The following LRIT2 variants were observed in gnomAD, a reference collection of about 807,000 sequenced individuals.
LRIT2 encodes leucine-rich repeat, immunoglobulin-like domain and transmembrane domain-containing protein 2.
A neutral mutation model predicts 22.4 loss-of-function variants in LRIT2; 23 were observed. The ratio of observed to expected loss-of-function variants is 1.03; its 90% confidence interval spans 0.74 to 1.45. The LOEUF is 1.45. Among genes scored for constraint, LRIT2 ranks in the 40% most tolerant of loss-of-function variants. The pLI is 0.00. For missense variants in LRIT2, 784 were observed against 665.6 expected, an observed-to-expected ratio of 1.18 and a Z score of -1.96; for synonymous variants, 291 against 267.1, an observed-to-expected ratio of 1.09 and a Z score of -0.87.
chr10:84,224,465 G>C lies in LRIT2; in HGVS notation c.760C>G (p.Gln254Glu). 1 of 1,614,250 alleles carries C rather than the reference G, an allele frequency of 6.2e-7. No homozygotes were observed. The highest frequency in any genetic ancestry group is 1.3e-5 in the African/African-American group (1 of 75,074). ...ETELSACMKP[Q>E]ISTPSANITI... Reference sequence around the variant, plus strand: ...ATATTGGCACTGGGGGTTGAGATCTGTGGCTTCATGCAAGCACTAAGCTCA... The same window carrying C: ...ATATTGGCACTGGGGGTTGAGATCTCTGGCTTCATGCAAGCACTAAGCTCA... The change falls in exon 2 of 3, where the codon CAG (glutamine) becomes GAG (glutamate). Residue 254 changes from glutamine (Q) to glutamate (E), a missense_variant. Gln to Glu is a conservative substitution (Grantham distance 29, BLOSUM62 2). Transcript: ENST00000372113.
chr10:84,224,407 C>T lies in LRIT2; in HGVS notation c.818G>A (p.Arg273Gln), dbSNP rs545778918. Residue 273 changes from arginine (R) to glutamine (Q), a missense_variant, in exon 2 of 3, where the codon CGA (arginine) becomes CAA (glutamine). Transcript: ENST00000372113. Reference protein sequence around the residue: ...TIRAGQNVTLRCLAQASPSPS... With the variant: ...TIRAGQNVTLQCLAQASPSPS... ...TGAGGGGCTGGCCTGTGCCAAGCAT[C>T]GCAGGGTCACATTCTGTCCTGCCCG... 32 of 1,614,222 alleles carry T rather than the reference C, an allele frequency of 2.0e-5. No individual in the cohort carries two copies. The highest frequency in any genetic ancestry group is 1.3e-4 in the East Asian group (6 of 44,884).
rs1564672889 is a variant in LRIT2, at chr10:84,225,391, A to G, written c.110+20T>C. On this transcript the variant is annotated intron_variant, in intron 1 of 2. Transcript: ENST00000372113. ...AACCCATTCCCCATAACCCTCTAAC[A>G]TCTGGCCAGCAGAGCGCACCTGCCA... is the stretch of plus-strand genomic sequence containing the variant. 6.8e-6 allele frequency: 11 copies of G among 1,611,914 alleles called. No homozygotes were observed. Among genetic ancestry groups the G allele is most frequent in the African/African-American group, 1.3e-5 (1 of 74,864 alleles).
chr10:84,222,615 C>G lies in LRIT2; in HGVS notation c.958G>C (p.Val320Leu). 1 of 1,614,066 alleles carries G rather than the reference C, an allele frequency of 6.2e-7. No homozygotes were observed. Residue 320 changes from valine (V) to leucine (L), a missense_variant, in exon 3 of 3, where the codon GTA becomes CTA. Physicochemically the swap from Val to Leu is conservative, Grantham distance 32. Transcript: ENST00000372113. ...SELAIPAAHL[V>L]DSGNYTCMAS... is the part of the protein sequence containing the mutation. ...ATGCAGGTGTAATTACCACTGTCTA[C>G]CAGGTGGGCAGCAGGTATGGCCAGC...
chr10:84,224,195 C>A (rs1842537913), intron 2 of LRIT2, 138 bp downstream of exon 2: 3 of 760,148 alleles, frequency 3.9e-6, no homozygotes, highest in South Asian at 4.2e-5. Context: ...TTCTAGTGAG[C>A]ATAATTCAGG....
rs780942855 is a variant in LRIT2 at position 84,224,849 on chromosome 10, T to G, written c.376A>C (p.Thr126Pro). 7 of 1,613,842 alleles carry G rather than the reference T, an allele frequency of 4.3e-6. No homozygotes were observed. Among genetic ancestry groups the G allele is most frequent in the South Asian group, 3.3e-5 (3 of 91,046 alleles). Residue 126 changes from threonine (T) to proline (P), a missense_variant, in exon 2 of 3, where the codon ACC becomes CCC. Coordinates refer to ENST00000372113, the MANE Select transcript of LRIT2 (RefSeq NM_001017924.5). The stretch of plus-strand genomic sequence containing the variant: ...AGATCCAAGACCCTCAGGAGAGGGG[T>G]GGCACGGAACGCTGTCCATGGTACT... ...CSVPWTAFRA[T>P]PLLRVLDLKR...
chr10:84,224,880 G>C lies in LRIT2; in HGVS notation c.345C>G (p.Leu115=), dbSNP rs1472600119. 6.2e-7 allele frequency: 1 copy of C among 1,614,098 alleles called. No individual in the cohort carries two copies. The highest frequency in any genetic ancestry group is 1.7e-5 in the Admixed American group (1 of 60,004). The change falls in exon 2 of 3, where the codon CTC becomes CTG. Residue 115 remains leucine, a synonymous_variant. Transcript: ENST00000372113. ...LRELRLEGNK[L]CSVPWTAFRA... ...GGAACGCTGTCCATGGTACTGAGCA[G>C]AGCTTGTTCCCCTCCAGTCTCAGCT... is the stretch of plus-strand genomic sequence containing the variant.
Position 84,222,112 on chromosome 10 carries a change from C to A in LRIT2, c.1461G>T (p.Gln487His). Reference protein sequence around the residue: ...VPVGAYAWAAQGPCSCSKWVL... With the variant: ...VPVGAYAWAAHGPCSCSKWVL... ...CCCACTTGCTGCAGCTGCAGGGGCC[C>A]TGGGCTGCCCAGGCATAGGCGCCCA... Residue 487 changes from glutamine (Q) to histidine (H), a missense_variant, in exon 3 of 3, where the codon CAG (glutamine) becomes CAT (histidine). By Grantham distance (24) the Gln-to-His change is conservative (BLOSUM62 0). Transcript: ENST00000372113. 6.2e-7 allele frequency: 1 copy of A among 1,609,098 alleles called. No individual in the cohort carries two copies. The highest frequency in any genetic ancestry group is 2.2e-5 in the East Asian group (1 of 44,732).
Position 84,220,937 on chromosome 10 carries a change from G to A in LRIT2, c.*983C>T, listed in dbSNP as rs951326994. On this transcript the variant is annotated 3_prime_UTR_variant, in exon 3 of 3. Coordinates refer to ENST00000372113, the MANE Select transcript of LRIT2 (RefSeq NM_001017924.5). ...AGGGAAACGGCAGGGAGACAGATGT[G>A]AATTAAATCCTGGGAATGGTCTCCC... 6.6e-6 allele frequency: 1 copy of A among 152,258 alleles called. No individual in the cohort carries two copies. The highest frequency in any genetic ancestry group is 2.4e-5 in the African/African-American group (1 of 41,460). 9.4% of individuals were successfully genotyped at this position (152,258 alleles called of 1,614,324 possible). A position where few individuals can be genotyped will look rare whatever the true frequency, so the allele number is the denominator to read the frequency against.
Position 84,222,277 on chromosome 10 carries a change from G to T in LRIT2, c.1296C>A (p.Cys432Ter). Residue 432 changes from cysteine (C) to a stop codon, truncating the protein, a stop_gained, in exon 3 of 3, where the codon TGC becomes TGA. Transcript: ENST00000372113. LOFTEE classifies it low-confidence loss of function (END_TRUNC). ...GTGGAGGCTGGCCCTCTAGGCTGAG[G>T]CAGGCCTCATATTTTGTGCCAGGAA... ...DLLPGTKYEA[C>*]LSLEGQPPHQ... The T allele has an allele frequency of 6.2e-7, 1 of 1,614,242 alleles. No individual in the cohort carries two copies. The highest frequency in any genetic ancestry group is 8.5e-7 in the Non-Finnish European group (1 of 1,180,044).
Position 84,222,437 on chromosome 10 carries a change from A to C in LRIT2, c.1136T>G (p.Leu379Trp), listed in dbSNP as rs1371933232. Reference protein sequence around the residue: ...RVVKQTVHGILLEWLAVADTS... With the variant: ...RVVKQTVHGIWLEWLAVADTS... Reference sequence around the variant, plus strand: ...GTCAGCCACTGCAAGCCACTCCAGCAAAATCCCATGCACTGTCTGCTTGAC... The same window carrying C: ...GTCAGCCACTGCAAGCCACTCCAGCCAAATCCCATGCACTGTCTGCTTGAC... The change falls in exon 3 of 3, where the codon TTG becomes TGG. Residue 379 changes from leucine (L) to tryptophan (W), a missense_variant. Leu to Trp is a moderately conservative substitution (Grantham distance 61, BLOSUM62 -2). Transcript: ENST00000372113. The C allele has an allele frequency of 6.2e-7, 1 of 1,614,128 alleles. No individual in the cohort carries two copies. The highest frequency in any genetic ancestry group is 1.1e-5 in the South Asian group (1 of 91,084).
At position 84,224,657 on chromosome 10, in the gene LRIT2, G is replaced by A. The variant is rs745710907; in HGVS notation, c.568C>T (p.Leu190Phe). The A allele has an allele frequency of 4.3e-6, 7 of 1,614,188 alleles. No individual in the cohort carries two copies. Among genetic ancestry groups the A allele is most frequent in the Non-Finnish European group, 5.9e-6 (7 of 1,180,010 alleles). The change falls in exon 2 of 3, where the codon CTC (leucine) becomes TTC (phenylalanine). Residue 190 changes from leucine to phenylalanine, a missense_variant. By Grantham distance (22) the Leu-to-Phe change is conservative. Transcript: ENST00000372113. Reference protein sequence around the residue: ...CRQPDCGAEILSSLVVALHDN... With the variant: ...CRQPDCGAEIFSSLVVALHDN... ...TGCAGGGCCACCACCAGGCTGGAGA[G>A]AATCTCAGCCCCACAGTCAGGCTGC...
chr10:84,224,360 G>A lies in LRIT2; in HGVS notation c.865C>T (p.Pro289Ser), dbSNP rs768254427. 1 of 1,613,784 alleles carries A rather than the reference G, an allele frequency of 6.2e-7. No individual in the cohort carries two copies. The highest frequency in any genetic ancestry group is 8.5e-7 in the Non-Finnish European group (1 of 1,179,952). ...SPSPSIAWTYPLSMWREFDVL... is the reference protein window; with the variant it reads ...SPSPSIAWTYSLSMWREFDVL... The stretch of plus-strand genomic sequence containing the variant: ...TCAAATTCTCTCCACATACTCAGGG[G>A]ATAAGTCCATGCAATGGATGGTGAG... The change falls in exon 2 of 3, where the codon CCC becomes TCC. Residue 289 changes from proline (P) to serine (S), a missense_variant. By Grantham distance (74) the Pro-to-Ser change is moderately conservative (BLOSUM62 -1). Coordinates refer to ENST00000372113, the MANE Select transcript of LRIT2 (RefSeq NM_001017924.5).
At chr10:84,225,378 A>G (rs748746512) in intron 1 of LRIT2, 33 bp downstream of exon 1, 10 of 1,606,098 alleles carry the variant, frequency 6.2e-6, no homozygotes, top group Admixed American at 3.4e-5. Flanking sequence ...CCCATTCCCC[A>G]TAACCCTCTA....
chr10:84,224,877 G>C lies in LRIT2; in HGVS notation c.348C>G (p.Cys116Trp). ...RELRLEGNKL[C>W]SVPWTAFRAT... ...CACGGAACGCTGTCCATGGTACTGA[G>C]CAGAGCTTGTTCCCCTCCAGTCTCA... Residue 116 changes from cysteine (C) to tryptophan (W), a missense_variant, in exon 2 of 3, where the codon TGC becomes TGG. By Grantham distance (215) the Cys-to-Trp change is radical. Transcript: ENST00000372113. The C allele has an allele frequency of 6.2e-7, 1 of 1,614,186 alleles. No homozygotes were observed. The highest frequency in any genetic ancestry group is 1.1e-5 in the South Asian group (1 of 91,088).
chr10:84,225,246 C>T, intron 1 of LRIT2, 132 bp from the exon 2 acceptor site: 1 of 1,212,674 alleles, frequency 8.2e-7, no homozygotes, highest in South Asian at 1.6e-5. Context: ...GAGTTAGACT[C>T]ATTTTGGTAA....
At position 84,224,912 on chromosome 10, in the gene LRIT2, G is replaced by T; in HGVS notation, c.313C>A (p.Leu105Met). ...HLGALEHLPE[L>M]RELRLEGNKL... Reference sequence around the variant, plus strand: ...TTCCCCTCCAGTCTCAGCTCCCTCAGTTCTGGCAGGTGTTCCAGGGCTCCT... The same window carrying T: ...TTCCCCTCCAGTCTCAGCTCCCTCATTTCTGGCAGGTGTTCCAGGGCTCCT... The change falls in exon 2 of 3, where the codon CTG (leucine) becomes ATG (methionine). Residue 105 changes from leucine (L) to methionine (M), a missense_variant. Coordinates refer to ENST00000372113, the MANE Select transcript of LRIT2 (RefSeq NM_001017924.5). 3 of 1,614,180 alleles carry T rather than the reference G, an allele frequency of 1.9e-6. No individual in the cohort carries two copies. Among genetic ancestry groups the T allele is most frequent in the Non-Finnish European group, 1.7e-6 (2 of 1,180,020 alleles).
At chr10:84,223,652 T>C (rs1008109082) in intron 2 of LRIT2, among the ~76,000 whole-genome samples, 25 of 152,190 alleles carry the variant, frequency 1.6e-4, no homozygotes, top group Non-Finnish European at 3.4e-4. Flanking sequence ...TCTTTTCAGC[T>C]TTGGGATACC....
Position 84,224,631 on chromosome 10 carries a change from A to T in LRIT2, c.594T>A (p.His198Gln). The T allele has an allele frequency of 6.2e-7, 1 of 1,614,066 alleles. No homozygotes were observed. The highest frequency in any genetic ancestry group is 8.5e-7 in the Non-Finnish European group (1 of 1,179,928). The change falls in exon 2 of 3, where the codon CAT becomes CAA. Residue 198 changes from histidine to glutamine, a missense_variant. Transcript: ENST00000372113. Reference sequence around the variant, plus strand: ...GACAGTCACATACCCAGGGGTTGTCATGCAGGGCCACCACCAGGCTGGAGA... The same window carrying T: ...GACAGTCACATACCCAGGGGTTGTCTTGCAGGGCCACCACCAGGCTGGAGA... The part of the protein sequence containing the change: ...EILSSLVVAL[H>Q]DNPWVCDCRL...
Position 84,222,077 on chromosome 10 carries a change from C to T in LRIT2, c.1496G>A (p.Gly499Asp). Reference sequence around the variant, plus strand: ...GGGGGCTTTCCTGCGATGAAGACAGCCGCGCAGGACCCACTTGCTGCAGCT... The same window carrying T: ...GGGGGCTTTCCTGCGATGAAGACAGTCGCGCAGGACCCACTTGCTGCAGCT... ...PCSCSKWVLRGCLHRRKAPSC... is the reference protein window; with the variant it reads ...PCSCSKWVLRDCLHRRKAPSC... The change falls in exon 3 of 3, where the codon GGC becomes GAC. Residue 499 changes from glycine (G) to aspartate (D), a missense_variant. Physicochemically the swap from Gly to Asp is moderately conservative, Grantham distance 94. Coordinates refer to ENST00000372113, the MANE Select transcript of LRIT2 (RefSeq NM_001017924.5). The T allele has an allele frequency of 1.2e-6, 2 of 1,608,990 alleles. No individual in the cohort carries two copies. The highest frequency in any genetic ancestry group is 8.5e-7 in the Non-Finnish European group (1 of 1,177,036).
Sources: gnomAD v4.1 joint callset for allele counts (sites outside exome capture counted in the v4.1 genomes callset) on GRCh38, gnomAD v4.1.1 for gene constraint, MANE v1.5 for transcripts, NCBI Gene and HGNC (gene_info 2026-07-23, HGNC 2026-07-21) for gene names.